The following KHDRBS1 variants were observed in gnomAD, a reference collection of about 807,000 sequenced individuals.
KHDRBS1 encodes KH domain-containing, RNA-binding, signal transduction-associated protein 1.
In KHDRBS1, 7 loss-of-function variants were observed where a neutral mutation model predicts 48.4. That is an observed-to-expected ratio of 0.14 (90% confidence interval 0.08 to 0.27). The LOEUF (loss-of-function observed/expected upper bound fraction) is 0.27. Among genes scored for constraint, KHDRBS1 ranks in the 10% least tolerant of loss-of-function variants. The probability of loss-of-function intolerance (pLI) is 1.00; values close to 1 mark genes in which losing one functional copy is unlikely to be tolerated. For missense variants in KHDRBS1, 458 were observed against 601.2 expected (o/e 0.76, Z 2.49); for synonymous variants, 241 against 235.8 (o/e 1.02, Z -0.20).
At chr1:32,058,799 TCAA>T (rs886411533) in intron 10 of KHDRBS1, among the ~76,000 whole-genome samples, 3 of 152,080 alleles carry the variant, frequency 2.0e-5, no homozygotes, top group Admixed American at 6.6e-5. Flanking sequence ...TGAGACTGTC[TCAA>T]CAACAACAAA....
chr1:32,037,011 G>A lies in KHDRBS1; in HGVS notation c.873G>A (p.Arg291=), dbSNP rs773770597. The A allele has an allele frequency of 1.4e-5, 23 of 1,613,890 alleles. No homozygotes were observed. The South Asian group carries it at 2.2e-4, about 15-fold the overall frequency. Residue 291 remains arginine (R), a synonymous_variant, in exon 5 of 9, where the codon CGG becomes CGA. Coordinates refer to ENST00000327300, the MANE Select transcript of KHDRBS1 (RefSeq NM_006559.3). ...SRGRGVPVRG[R]GAAPPPPPVP... The stretch of plus-strand genomic sequence containing the variant: ...GACGTGGGGTGCCAGTGAGAGGCCG[G>A]GGAGCTGCACCTCCTCCACCACCTG...
At position 32,031,507 on chromosome 1, in the gene KHDRBS1, C is replaced by T. The variant is rs771221823; in HGVS notation, c.508-17C>T. On this transcript the variant is annotated splice_polypyrimidine_tract_variant and intron_variant, in intron 2 of 8. Coordinates refer to ENST00000327300, the MANE Select transcript of KHDRBS1 (RefSeq NM_006559.3). ...TATAGTAGCATGTATATTTAGAAATCCTCTATTTTCTGTCAGTTCAATTTT... is the reference window on the plus strand; with the variant it reads ...TATAGTAGCATGTATATTTAGAAATTCTCTATTTTCTGTCAGTTCAATTTT... 23 of 1,451,998 alleles carry T rather than the reference C, an allele frequency of 1.6e-5. No homozygotes were observed. Among genetic ancestry groups the T allele is most frequent in the East Asian group, 1.4e-4 (6 of 43,556 alleles). 89.9% of individuals were successfully genotyped at this position (1,451,998 alleles called of 1,614,324 possible). A position where few individuals can be genotyped will look rare whatever the true frequency, so the allele number is the denominator to read the frequency against.
At chr1:32,040,752 C>T (rs1001036021) in intron 8 of KHDRBS1, among the ~76,000 whole-genome samples, 10 of 152,182 alleles carry the variant, frequency 6.6e-5, no homozygotes, top group African/African-American at 2.4e-4. Context: ...GAGTCCTTGG[C>T]AGGGGCTCAG....
At position 32,028,462 on chromosome 1, in the gene KHDRBS1, G is replaced by GTA. The variant is rs948870598; in HGVS notation, c.383-1825_383-1824dup. On this transcript the variant is annotated intron_variant, in intron 1 of 8. Coordinates refer to ENST00000327300, the MANE Select transcript of KHDRBS1 (RefSeq NM_006559.3). ...TAGAATGTTCCACTGATTTTAGGGA[G>GTA]TATATATATATACACGTATATATAT... 3.7e-4 allele frequency among the ~76,000 whole-genome samples: 53 copies of GTA among 143,948 alleles called. 1 individual carries two copies. Among genetic ancestry groups the GTA allele is most frequent in the South Asian group, 4.4e-4 (2 of 4,558 alleles). 94.4% of individuals were successfully genotyped at this position (143,948 alleles called of 152,430 possible).
At chr1:32,022,695 C>T (rs1638885008) in intron 1 of KHDRBS1, among the ~76,000 whole-genome samples, 1 of 152,046 alleles carries the variant, frequency 6.6e-6, no homozygotes, top group Non-Finnish European at 1.5e-5. Flanking sequence ...TCGAGACCAT[C>T]CTAGCTAACA....
intron 1 of KHDRBS1, among the ~76,000 whole-genome samples, chr1:32,021,072 T>A (rs1373862502): frequency 2.6e-5 from 4 of 152,108 alleles, no homozygotes. Flanking sequence ...GTATACAGGA[T>A]CTCTGTTATT....
rs114578884 is a variant in KHDRBS1, at chr1:32,024,934, C to T, written c.383-5364C>T. 3.7e-3 allele frequency among the ~76,000 whole-genome samples: 561 copies of T among 150,552 alleles called. 7 individuals are homozygous for T. Among genetic ancestry groups the T allele is most frequent in the African/African-American group, 0.013 (549 of 40,968 alleles). On this transcript the variant is annotated intron_variant, in intron 1 of 8. Transcript: ENST00000327300. Reference sequence around the variant, plus strand: ...GAACTATGATGGTGTCACTATGCTTCAGCCTAGGCAGTAGAGAACCCATCT... The same window carrying T: ...GAACTATGATGGTGTCACTATGCTTTAGCCTAGGCAGTAGAGAACCCATCT...
chr1:32,040,135 C>T (rs1451780956), intron 8 of KHDRBS1, among the ~76,000 whole-genome samples: 2 of 152,002 alleles, frequency 1.3e-5, no homozygotes, highest in South Asian at 2.1e-4. Flanking sequence ...CTATTAGGGC[C>T]GGGCGTGGTG....
At chr1:32,029,635 C>A (rs1255459305) in intron 1 of KHDRBS1, among the ~76,000 whole-genome samples, 1 of 152,050 alleles carries the variant, frequency 6.6e-6, no homozygotes, top group Non-Finnish European at 1.5e-5. Context: ...CCAACCTGGA[C>A]AAAAAGAGCG....
intron 1 of KHDRBS1, 114 bp from the exon 2 acceptor site, chr1:32,030,184 C>A: frequency 1.3e-6 from 1 of 780,056 alleles, no homozygotes; most frequent in Non-Finnish European, 2.0e-6. Context: ...GAAATTGGCA[C>A]ATTTGTGTGA....
intron 4 of KHDRBS1, among the ~76,000 whole-genome samples, chr1:32,035,743 G>A (rs1014421189): frequency 6.6e-6 from 1 of 152,216 alleles, no homozygotes; most frequent in African/African-American, 2.4e-5. Context: ...TCTGTCAGAT[G>A]TCTGATACTA....
chr1:32,021,203 A>C (rs1211513962), intron 1 of KHDRBS1, among the ~76,000 whole-genome samples: 1 of 152,142 alleles, frequency 6.6e-6, no homozygotes, highest in Non-Finnish European at 1.5e-5. Context: ...AATATGACAG[A>C]GTTTTCTACT....
At chr1:32,039,438 G>A (rs1178978008) in intron 7 of KHDRBS1, 77 bp from the exon 8 acceptor site, 6 of 785,726 alleles carry the variant, frequency 7.6e-6, no homozygotes, top group East Asian at 4.9e-5. Flanking sequence ...TAAAATGACT[G>A]ACTTATGGAA....
At chr1:32,049,322 T>G (rs514219) in intron 10 of KHDRBS1, among the ~76,000 whole-genome samples, 1 of 152,104 alleles carries the variant, frequency 6.6e-6, no homozygotes, top group Non-Finnish European at 1.5e-5. Context: ...TTCCAAAGTT[T>G]GGGATTACAG....
chr1:32,047,448 T>A (rs1226531078), downstream of KHDRBS1, among the ~76,000 whole-genome samples: 2 of 152,310 alleles, frequency 1.3e-5, no homozygotes, highest in East Asian at 3.9e-4. Flanking sequence ...CGTGAGCCAC[T>A]GTACCCGGCC....
chr1:32,030,390 C>T lies in KHDRBS1; in HGVS notation c.475C>T (p.Arg159Ter). The change falls in exon 2 of 9, where the codon CGA becomes TGA. Residue 159 changes from arginine (R) to a stop codon, truncating the protein, a stop_gained. Transcript: ENST00000327300. LOFTEE classifies it high-confidence loss of function. ...TCATAAGAACATGAAACTGAAAGAG[C>T]GAGTGCTGATACCTGTCAAGCAGTA... ...FSHKNMKLKERVLIPVKQYPK... is the reference protein window; with the variant it reads ...FSHKNMKLKE 1 of 1,610,994 alleles carries T rather than the reference C, an allele frequency of 6.2e-7. No individual in the cohort carries two copies. Among genetic ancestry groups the T allele is most frequent in the Non-Finnish European group, 8.5e-7 (1 of 1,178,518 alleles).
At chr1:32,018,353 C>T (rs999696315) in intron 1 of KHDRBS1, among the ~76,000 whole-genome samples, 1 of 151,798 alleles carries the variant, frequency 6.6e-6, no homozygotes, top group Admixed American at 6.6e-5. Flanking sequence ...CCCAGCTACT[C>T]AGGAGGCTAA....
In KHDRBS1 at chr1:32,037,150, A is replaced by G. The variant is rs562367882; in HGVS notation, c.905+107A>G. 22 of 1,243,080 alleles carry G rather than the reference A, an allele frequency of 1.8e-5. No homozygotes were observed. The South Asian group carries it at 2.9e-4, about 16-fold the overall frequency. 77.0% of individuals were successfully genotyped at this position (1,243,080 alleles called of 1,614,324 possible). The stretch of plus-strand genomic sequence containing the variant: ...GCTTAGGAAGGGTCTCAGGATTTGT[A>G]TGTTGCATAAAGAACAGAATTCTAC... On this transcript the variant is annotated intron_variant, in intron 5 of 8. Coordinates refer to ENST00000327300, the MANE Select transcript of KHDRBS1 (RefSeq NM_006559.3).
At position 32,033,352 on chromosome 1, in the gene KHDRBS1, CTG is replaced by C. The variant is rs1557894823; in HGVS notation, c.771+22_771+23del. 1 of 1,612,632 alleles carries C rather than the reference CTG, an allele frequency of 6.2e-7. No individual in the cohort carries two copies. On this transcript the variant is annotated intron_variant, in intron 4 of 8. Coordinates refer to ENST00000327300, the MANE Select transcript of KHDRBS1 (RefSeq NM_006559.3). ...TAGTACCGGTAAGGAAATCCATATCCTGTGTCTTCTGAGCAAAAGAGAACTGG... is the reference window on the plus strand; with the variant it reads ...TAGTACCGGTAAGGAAATCCATATCCTGTCTTCTGAGCAAAAGAGAACTGG...
Sources: allele counts gnomAD v4.1 joint callset (sites outside exome capture counted in the v4.1 genomes callset), GRCh38; gene constraint gnomAD v4.1.1; transcripts MANE v1.5; gene names NCBI Gene and HGNC (gene_info 2026-07-23, HGNC 2026-07-21).